The following DPYSL2 variants were observed in gnomAD, a reference collection of about 807,000 sequenced individuals.
The protein encoded by DPYSL2 is dihydropyrimidinase-related protein 2.
DPYSL2 carries 13 observed loss-of-function variants against 69.9 expected under a neutral mutation model. The ratio of observed to expected loss-of-function variants is 0.19; its 90% CI spans 0.12 to 0.30. DPYSL2 has a LOEUF of 0.30. Ranked by LOEUF, DPYSL2 falls within the 10% of genes least tolerant of loss-of-function variation. DPYSL2 has a pLI of 1.00. For missense variants in DPYSL2, 587 were observed against 918.9 expected, an observed-to-expected ratio of 0.64 and a Z score of 4.67; for synonymous variants, 326 against 359.1, an observed-to-expected ratio of 0.91 and a Z score of 1.04.
chr8:26,606,733 C>G (rs1471362870), intron 3 of DPYSL2, among the ~76,000 whole-genome samples: 1 of 151,968 alleles, frequency 6.6e-6, no homozygotes, highest in Non-Finnish European at 1.5e-5. Context: ...GTTAAGTAAG[C>G]TGAAAAAAAT....
Position 26,626,477 on chromosome 8 carries a change from A to C in DPYSL2, c.794-140A>C. 3 of 673,196 alleles carry C rather than the reference A, an allele frequency of 4.5e-6. No individual in the cohort carries two copies. The highest frequency in any genetic ancestry group is 7.1e-6 in the Non-Finnish European group (3 of 423,038). 41.7% of individuals were successfully genotyped at this position (673,196 alleles called of 1,614,324 possible). A position where few individuals can be genotyped will look rare whatever the true frequency, so the allele number is the denominator to read the frequency against. On this transcript the variant is annotated intron_variant, in intron 4 of 13. Coordinates refer to ENST00000521913, the MANE Select transcript of DPYSL2 (RefSeq NM_001197293.3). This position sits in a 1 kb window ranked among gnomAD's most constrained non-coding sequence, Gnocchi z 4.3. ...ATTTCTCTCCTCTCTCTTTCTCTGTACTGAAACACACACACACACACACAC... is the reference window on the plus strand; with the variant it reads ...ATTTCTCTCCTCTCTCTTTCTCTGTCCTGAAACACACACACACACACACAC...
chr8:26,597,324 C>T lies in DPYSL2; in HGVS notation c.628+13341C>T, dbSNP rs73565413. ...GGCCAGATTGAGCTGATTTCTGTCA[C>T]GTAGGCTGCTCCGAGGTTGCCTTGC... On this transcript the variant is annotated intron_variant, in intron 3 of 13. Coordinates refer to ENST00000521913, the MANE Select transcript of DPYSL2 (RefSeq NM_001197293.3). The surrounding 1 kb of genome is among the most constrained non-coding windows in gnomAD (Gnocchi z 5.2). Among the ~76,000 whole-genome samples, 6,287 of 152,294 alleles carry T rather than the reference C, an allele frequency of 0.041. 419 individuals carry two copies. Among genetic ancestry groups the T allele is most frequent in the African/African-American group, 0.14 (5,934 of 41,544 alleles).
Position 26,653,515 on chromosome 8 carries a change from TC to T in DPYSL2, c.1942+120del. 2 of 1,112,180 alleles carry T rather than the reference TC, an allele frequency of 1.8e-6. No homozygotes were observed. Among genetic ancestry groups the T allele is most frequent in the Non-Finnish European group, 2.6e-6 (2 of 776,000 alleles). The allele number at this position is 1,112,180 out of a possible 1,614,324, so 68.9% of individuals were successfully genotyped here. The stretch of plus-strand genomic sequence containing the variant: ...AGAAGTGAATGATATTCCCTTTCTC[TC>T]CAACGTGAGAAATACAGTGGACTCA... On this transcript the variant is annotated intron_variant, in intron 13 of 13. Transcript: ENST00000521913. The surrounding 1 kb of genome is among the most constrained non-coding windows in gnomAD (Gnocchi z 5.7).
chr8:26,628,745 G>A (rs936526911), intron 7 of DPYSL2, among the ~76,000 whole-genome samples: 13 of 152,196 alleles, frequency 8.5e-5, no homozygotes, highest in Non-Finnish European at 1.0e-4. Context: ...GCGCCGAGCA[G>A]TGGGGGAAGA....
In DPYSL2 at chr8:26,577,130, C is replaced by G. The variant is rs1371403162; in HGVS notation, c.355-4839C>G. 1.3e-5 allele frequency: 6 copies of G among 444,468 alleles called. No homozygotes were observed. The Middle Eastern group carries it at 1.0e-3, about 74-fold the overall frequency. 27.5% of individuals were successfully genotyped at this position (444,468 alleles called of 1,614,324 possible). On this transcript the variant is annotated intron_variant, in intron 1 of 13. Coordinates refer to ENST00000521913, the MANE Select transcript of DPYSL2 (RefSeq NM_001197293.3). ...TTCCCCGGATGCCTCCTTCCCGGCT[C>G]GGAGTTGGAAGGGTTTCCTCAGGGC...
intron 7 of DPYSL2, among the ~76,000 whole-genome samples, chr8:26,629,548 A>G (rs17419937): frequency 0.14 from 20,554 of 152,134 alleles, 1,615 homozygotes; most frequent in Non-Finnish European, 0.18. Flanking sequence ...GTAGCTATCA[A>G]CCTTCTCATG....
intron 1 of DPYSL2, among the ~76,000 whole-genome samples, chr8:26,519,211 C>G (rs145603728): frequency 6.6e-6 from 1 of 152,200 alleles, no homozygotes; most frequent in Non-Finnish European, 1.5e-5. Context: ...GCAAGCATCC[C>G]TCTTTACTTT....
rs930434223 is a variant in DPYSL2 at position 26,560,953 on chromosome 8, G to T, written c.355-21016G>T. ...AAATTGAGCTAGGGGAAGGGAAGTT[G>T]TAAGAGAGCAGCTGTCCACAGTTAT... On this transcript the variant is annotated intron_variant, in intron 1 of 13. Coordinates refer to ENST00000521913, the MANE Select transcript of DPYSL2 (RefSeq NM_001197293.3). The surrounding 1 kb of genome is among the most constrained non-coding windows in gnomAD (Gnocchi z 4.4). 2.0e-5 allele frequency among the ~76,000 whole-genome samples: 3 copies of T among 152,158 alleles called. No homozygotes were observed. The highest frequency in any genetic ancestry group is 2.9e-5 in the Non-Finnish European group (2 of 68,032).
intron 8 of DPYSL2, among the ~76,000 whole-genome samples, chr8:26,639,060 A>G (rs867367880): frequency 6.6e-6 from 1 of 152,078 alleles, no homozygotes; most frequent in Middle Eastern, 3.4e-3. Flanking sequence ...AGGACATTAA[A>G]CCCTGGGAAC....
chr8:26,639,777 T>C (rs1462810048), intron 8 of DPYSL2, among the ~76,000 whole-genome samples: 1 of 152,160 alleles, frequency 6.6e-6, no homozygotes, highest in Admixed American at 6.5e-5. Context: ...ATTTTCTGTG[T>C]CTCTATTGTC....
chr8:26,578,457 T>TGCA, intron 1 of DPYSL2: 4 of 1,479,676 alleles, frequency 2.7e-6, no homozygotes, highest in Non-Finnish European at 3.6e-6. Flanking sequence ...TTGTGGGAGA[T>TGCA]GCAGTGATCC....
At chr8:26,575,512 A>T (rs1184048121) in intron 1 of DPYSL2, among the ~76,000 whole-genome samples, 1 of 152,164 alleles carries the variant, frequency 6.6e-6, no homozygotes, top group East Asian at 1.9e-4. Context: ...GGTATCTTTT[A>T]TGTGCCAAAT....
chr8:26,634,362 T>G (rs1278868642), intron 7 of DPYSL2, among the ~76,000 whole-genome samples: 2 of 151,572 alleles, frequency 1.3e-5, no homozygotes, highest in Non-Finnish European at 2.9e-5. Context: ...CCTGCTGGGT[T>G]CAAGTGATTC....
At chr8:26,566,116 G>A (rs17404749) in intron 1 of DPYSL2, among the ~76,000 whole-genome samples, 14,121 of 152,260 alleles carry the variant, frequency 0.093, 860 homozygotes, top group Middle Eastern at 0.17. Flanking sequence ...GAATAAATGT[G>A]CAGAAGTGTC....
At chr8:26,594,777 T>C (rs1360506195) in intron 3 of DPYSL2, among the ~76,000 whole-genome samples, 2 of 152,224 alleles carry the variant, frequency 1.3e-5, no homozygotes, top group Non-Finnish European at 2.9e-5. Flanking sequence ...TTATCTCACT[T>C]CACTGTCACT....
chr8:26,552,884 C>T (rs1280128500), intron 1 of DPYSL2, among the ~76,000 whole-genome samples: 3 of 152,160 alleles, frequency 2.0e-5, no homozygotes, highest in Non-Finnish European at 4.4e-5. Context: ...GACAAACATT[C>T]AAACCATAGC....
At position 26,514,378 on chromosome 8, in the gene DPYSL2, C is replaced by A; in HGVS notation, c.53C>A (p.Ala18Asp). The change falls in exon 1 of 14, where the codon GCT becomes GAT. Residue 18 changes from alanine (A) to aspartate (D), a missense_variant. By Grantham distance (126) the Ala-to-Asp change is moderately radical (BLOSUM62 -2). Transcript: ENST00000521913. This position sits in a 1 kb window ranked among gnomAD's most constrained non-coding sequence, Gnocchi z 8.4. ...GKAAEDEEVP[A>D]FFKNLGSGSP... ...GCGGCAGAGGACGAAGAGGTCCCTG[C>A]TTTTTTTAAAAACCTGGGCTCCGGC... The A allele has an allele frequency of 6.6e-7, 1 of 1,515,002 alleles. No homozygotes were observed. The highest frequency in any genetic ancestry group is 8.8e-7 in the Non-Finnish European group (1 of 1,138,418). The allele number at this position is 1,515,002 out of a possible 1,614,324, so 93.8% of individuals were successfully genotyped here. A position where few individuals can be genotyped will look rare whatever the true frequency, so the allele number is the denominator to read the frequency against.
intron 7 of DPYSL2, among the ~76,000 whole-genome samples, chr8:26,631,835 C>T (rs904588418): frequency 1.4e-4 from 21 of 152,180 alleles, no homozygotes; most frequent in Non-Finnish European, 2.6e-4. Context: ...AGCCCACAGG[C>T]ACCTGCCGGC....
Position 26,582,049 on chromosome 8 carries a change from G to A in DPYSL2, c.435G>A (p.Gly145=). 1 of 1,613,240 alleles carries A rather than the reference G, an allele frequency of 6.2e-7. No homozygotes were observed. The highest frequency in any genetic ancestry group is 8.5e-7 in the Non-Finnish European group (1 of 1,179,516). Residue 145 remains glycine, a synonymous_variant, in exon 2 of 14, where the codon GGG becomes GGA. Coordinates refer to ENST00000521913, the MANE Select transcript of DPYSL2 (RefSeq NM_001197293.3). The surrounding 1 kb of genome is among the most constrained non-coding windows in gnomAD (Gnocchi z 4.1). ...ATGCAGACATATACATGGAAGATGG[G>A]TTGATCAAGTAAGTGTAACTCATGA... The part of the protein sequence containing the change: ...SFYADIYMED[G]LIKQIGENLI...
Sources: gnomAD v4.1 joint callset for allele counts (sites outside exome capture counted in the v4.1 genomes callset) on GRCh38, gnomAD v4.1.1 for gene constraint, Gnocchi (gnomAD v3.1) non-coding constraint, MANE v1.5 for transcripts, NCBI Gene and HGNC (gene_info 2026-07-23, HGNC 2026-07-21) for gene names.